PIK3CA: variants seen among roughly 807,000 people sequenced by gnomAD.
The protein encoded by PIK3CA is phosphatidylinositol-4,5-bisphosphate 3-kinase catalytic subunit alpha, also known as phosphatidylinositol 4,5-bisphosphate 3-kinase catalytic subunit alpha isoform.
PIK3CA carries 27 observed loss-of-function variants against 138.2 expected under a neutral mutation model. That is an observed-to-expected ratio of 0.20 (90% CI 0.14 to 0.27). PIK3CA has a LOEUF of 0.27. PIK3CA is among the 10% of genes least tolerant of loss of function. PIK3CA has a pLI of 1.00. For missense variants in PIK3CA, 544 were observed against 1,277.4 expected (o/e 0.43, Z 8.75); for synonymous variants, 358 against 413.2 (o/e 0.87, Z 1.62).
intron 9 of PIK3CA, among the ~76,000 whole-genome samples, chr3:179,211,058 G>A (rs974992219): frequency 6.6e-6 from 1 of 151,912 alleles, no homozygotes; most frequent in African/African-American, 2.4e-5. Flanking sequence ...ACATTGTCCA[G>A]AAGTATCAAA....
intron 1 of PIK3CA, among the ~76,000 whole-genome samples, chr3:179,179,886 C>G (rs6443624): frequency 6.6e-6 from 1 of 151,896 alleles, no homozygotes; most frequent in Non-Finnish European, 1.5e-5. Context: ...TTTACAGAAG[C>G]TACTTGGGCT....
At chr3:179,168,252 CTTTTA>C in intron 1 of PIK3CA, among the ~76,000 whole-genome samples, 1 of 152,130 alleles carries the variant, frequency 6.6e-6, no homozygotes, top group Non-Finnish European at 1.5e-5. Context: ...TCTGAAAAGA[CTTTTA>C]TTTTTTCTTT....
At chr3:179,184,723 T>C (rs1231327062) in intron 1 of PIK3CA, among the ~76,000 whole-genome samples, 1 of 152,192 alleles carries the variant, frequency 6.6e-6, no homozygotes, top group Non-Finnish European at 1.5e-5. Context: ...GTGGGGATTT[T>C]TTCCCCTCTG....
At chr3:179,172,292 AT>A (rs1723579052) in intron 1 of PIK3CA, among the ~76,000 whole-genome samples, 1 of 152,158 alleles carries the variant, frequency 6.6e-6, no homozygotes, top group African/African-American at 2.4e-5. Context: ...ATGGTGAATG[AT>A]TTTATAGTTT....
chr3:179,158,015 C>G (rs1444344308), intron 1 of PIK3CA, among the ~76,000 whole-genome samples: 1 of 152,092 alleles, frequency 6.6e-6, no homozygotes, highest in Non-Finnish European at 1.5e-5. Flanking sequence ...TATCTGTGAA[C>G]TCCTTGAGAG....
At chr3:179,172,056 A>G (rs1405672810) in intron 1 of PIK3CA, among the ~76,000 whole-genome samples, 2 of 152,164 alleles carry the variant, frequency 1.3e-5, no homozygotes, top group Non-Finnish European at 2.9e-5. Flanking sequence ...GTCAAGTAGG[A>G]TTTATCCCAG....
intron 1 of PIK3CA, among the ~76,000 whole-genome samples, chr3:179,155,857 G>A (rs910989628): frequency 2.6e-5 from 4 of 152,110 alleles, no homozygotes; most frequent in Non-Finnish European, 4.4e-5. Flanking sequence ...TTACAGAGAG[G>A]CTGTGTGCTG....
At chr3:179,202,424 G>C (rs958061938) in intron 4 of PIK3CA, among the ~76,000 whole-genome samples, 1 of 152,120 alleles carries the variant, frequency 6.6e-6, no homozygotes, top group African/African-American at 2.4e-5. Context: ...AATTGAAATA[G>C]ACATTTCAAA....
In PIK3CA at chr3:179,234,707, GA is replaced by G. The variant is rs1476222795; in HGVS notation, c.*348del. 4.1e-6 allele frequency: 1 copy of G among 246,450 alleles called. No individual in the cohort carries two copies. The highest frequency in any genetic ancestry group is 2.2e-5 in the African/African-American group (1 of 45,696). 15.3% of individuals were successfully genotyped at this position (246,450 alleles called of 1,614,324 possible). A position where few individuals can be genotyped will look rare whatever the true frequency, so the allele number is the denominator to read the frequency against. On this transcript the variant is annotated 3_prime_UTR_variant, in exon 21 of 21. Coordinates refer to ENST00000263967, the MANE Select transcript of PIK3CA (RefSeq NM_006218.4). This position sits in a 1 kb window ranked among gnomAD's most constrained non-coding sequence, Gnocchi z 5.1. ...AAAATATATAGAAATGATGGAGAAGGAAAAAGTGATGGTTTTTTTTGTCTTG... is the reference window on the plus strand; with the variant it reads ...AAAATATATAGAAATGATGGAGAAGGAAAAGTGATGGTTTTTTTTGTCTTG...
intron 1 of PIK3CA, among the ~76,000 whole-genome samples, chr3:179,192,112 A>T (rs565870147): frequency 6.6e-6 from 1 of 152,338 alleles, no homozygotes; most frequent in African/African-American, 2.4e-5. Flanking sequence ...TCTGCCTTGG[A>T]AATACTGATT....
intron 1 of PIK3CA, among the ~76,000 whole-genome samples, chr3:179,155,073 T>C (rs1006780804): frequency 6.6e-6 from 1 of 152,156 alleles, no homozygotes; most frequent in African/African-American, 2.4e-5. Context: ...AAAAACTGTA[T>C]AGGGATAGAA....
chr3:179,152,070 G>A (rs1275794221), intron 1 of PIK3CA, among the ~76,000 whole-genome samples: 1 of 152,182 alleles, frequency 6.6e-6, no homozygotes, highest in East Asian at 1.9e-4. Context: ...ATATAGTAGA[G>A]ACAGACTTCT....
In PIK3CA at chr3:179,230,465, TA is replaced by T. The variant is rs1208440935; in HGVS notation, c.2936+92del. 8.5e-7 allele frequency: 1 copy of T among 1,172,940 alleles called. No homozygotes were observed. Among genetic ancestry groups the T allele is most frequent in the East Asian group, 2.4e-5 (1 of 41,452 alleles). 72.7% of individuals were successfully genotyped at this position (1,172,940 alleles called of 1,614,324 possible). A position where few individuals can be genotyped will look rare whatever the true frequency, so the allele number is the denominator to read the frequency against. On this transcript the variant is annotated intron_variant, in intron 20 of 20. Transcript: ENST00000263967. This position sits in a 1 kb window ranked among gnomAD's most constrained non-coding sequence, Gnocchi z 5.4. ...TATTTTTCAAGCAATTTCAAAATAA[TA>T]AATGTTGGCTGGGTGTGGTGGTTCA...
chr3:179,205,486 C>T (rs1378140578), intron 6 of PIK3CA, among the ~76,000 whole-genome samples: 1 of 152,210 alleles, frequency 6.6e-6, no homozygotes, highest in East Asian at 1.9e-4. Context: ...TCATCATTCA[C>T]ATGAAGGAGA....
chr3:179,193,160 C>A (rs1453151417), intron 1 of PIK3CA, among the ~76,000 whole-genome samples: 2 of 152,152 alleles, frequency 1.3e-5, no homozygotes, highest in African/African-American at 4.8e-5. Context: ...CTTCTGAGAA[C>A]CAAAAGATTT....
chr3:179,219,381 T>C lies in PIK3CA; in HGVS notation c.1746+104T>C, dbSNP rs1724914411. ...CACATAAATAAATGAAATAGACTAA[T>C]AGTAATATAGTGTAGAAAAAAACAC... On this transcript the variant is annotated intron_variant, in intron 11 of 20. Coordinates refer to ENST00000263967, the MANE Select transcript of PIK3CA (RefSeq NM_006218.4). This position sits in a 1 kb window ranked among gnomAD's most constrained non-coding sequence, Gnocchi z 4.2. 2.6e-6 allele frequency: 2 copies of C among 759,534 alleles called. No individual in the cohort carries two copies. The highest frequency in any genetic ancestry group is 2.6e-5 in the Admixed American group (1 of 38,786). 47.0% of individuals were successfully genotyped at this position (759,534 alleles called of 1,614,324 possible). A position where few individuals can be genotyped will look rare whatever the true frequency, so the allele number is the denominator to read the frequency against.
intron 1 of PIK3CA, among the ~76,000 whole-genome samples, chr3:179,154,987 A>G (rs1469561230): frequency 6.6e-6 from 1 of 152,168 alleles, no homozygotes; most frequent in Non-Finnish European, 1.5e-5. Flanking sequence ...CTTACAGACT[A>G]TGCTTGTCAG....
intron 1 of PIK3CA, among the ~76,000 whole-genome samples, chr3:179,149,103 C>T (rs954878795): frequency 2.0e-5 from 3 of 152,170 alleles, no homozygotes; most frequent in Non-Finnish European, 4.4e-5. Flanking sequence ...TTGCCTCTTA[C>T]TGGGTTTAAA....
At position 179,234,389 on chromosome 3, in the gene PIK3CA, T is replaced by C. The variant is rs1057101250; in HGVS notation, c.*25T>C. On this transcript the variant is annotated 3_prime_UTR_variant, in exon 21 of 21. Transcript: ENST00000263967. The surrounding 1 kb of genome is among the most constrained non-coding windows in gnomAD (Gnocchi z 5.1). ...AAAAGATAACTGAGAAAATGAAAGC[T>C]CACTCTGGATTCCACACTGCACTGT... The C allele has an allele frequency of 6.3e-7, 1 of 1,579,650 alleles. No homozygotes were observed. The highest frequency in any genetic ancestry group is 1.4e-5 in the African/African-American group (1 of 74,070).
Sources: gnomAD v4.1 joint callset for allele counts (sites outside exome capture counted in the v4.1 genomes callset) on GRCh38, gnomAD v4.1.1 for gene constraint, Gnocchi (gnomAD v3.1) non-coding constraint, MANE v1.5 for transcripts, NCBI Gene and HGNC (gene_info 2026-07-23, HGNC 2026-07-21) for gene names.